MIPOL1: variants seen among roughly 807,000 people sequenced by gnomAD.
MIPOL1 encodes the protein mirror-image polydactyly 1, also known as mirror-image polydactyly gene 1 protein.
A neutral mutation model predicts 60.9 loss-of-function variants in MIPOL1; 57 were observed. The ratio of observed to expected loss-of-function variants is 0.94; its 90% CI spans 0.76 to 1.17. The LOEUF (loss-of-function observed/expected upper bound fraction) is 1.17, where lower values mean the gene tolerates loss of function less well. MIPOL1 is among the 50% of genes most tolerant of loss of function. MIPOL1 has a pLI of 0.00. For synonymous variants in MIPOL1, 179 were observed against 168.8 expected (o/e 1.06, Z -0.47); for missense variants, 551 against 511.6 (o/e 1.08, Z -0.74).
At chr14:37,221,092 T>A (rs1380686585) in intron 1 of MIPOL1, among the ~76,000 whole-genome samples, 1 of 152,196 alleles carries the variant, frequency 6.6e-6, no homozygotes, top group Admixed American at 6.5e-5. Flanking sequence ...TCATGATTAC[T>A]AACAGGTTGG....
At chr14:37,251,945 G>T (rs2153364742) in intron 3 of MIPOL1, among the ~76,000 whole-genome samples, 1 of 151,892 alleles carries the variant, frequency 6.6e-6, no homozygotes, top group South Asian at 2.1e-4. Flanking sequence ...TTTAAATTTA[G>T]AACCTTTAGG....
At chr14:37,210,022 C>A (rs1021396815) in intron 1 of MIPOL1, among the ~76,000 whole-genome samples, 4 of 152,010 alleles carry the variant, frequency 2.6e-5, no homozygotes, top group Non-Finnish European at 4.4e-5. Flanking sequence ...TGGATATGCT[C>A]TATTATTTTG....
intron 7 of MIPOL1, among the ~76,000 whole-genome samples, chr14:37,292,932 C>G (rs1252167128): frequency 7.2e-5 from 11 of 152,120 alleles, no homozygotes; most frequent in African/African-American, 2.7e-4. Flanking sequence ...GCTCCTTTTG[C>G]TAGAGGTTCT....
intron 9 of MIPOL1, among the ~76,000 whole-genome samples, chr14:37,362,990 A>G (rs1232896409): frequency 6.6e-6 from 1 of 152,070 alleles, no homozygotes; most frequent in Non-Finnish European, 1.5e-5. Context: ...TACACTGTTT[A>G]TTCTAGTTAG....
chr14:37,503,741 A>G (rs887190974), intron 12 of MIPOL1: 1 of 152,232 alleles, frequency 6.6e-6, no homozygotes. Flanking sequence ...GACAGGTTCA[A>G]ATTCACTCAT....
intron 10 of MIPOL1, among the ~76,000 whole-genome samples, chr14:37,393,893 T>A (rs962425622): frequency 6.6e-6 from 1 of 150,720 alleles, no homozygotes; most frequent in African/African-American, 2.4e-5. Flanking sequence ...GTATCATTCT[T>A]ATGCCTTTGT....
intron 9 of MIPOL1, among the ~76,000 whole-genome samples, chr14:37,320,367 G>C (rs1042388765): frequency 6.6e-6 from 1 of 152,008 alleles, no homozygotes. Flanking sequence ...ATATTTCATT[G>C]TTGATTTATT....
chr14:37,516,786 G>A (rs1486770018), intron 12 of MIPOL1, among the ~76,000 whole-genome samples: 1 of 152,002 alleles, frequency 6.6e-6, no homozygotes, highest in Non-Finnish European at 1.5e-5. Context: ...GAAATATGCT[G>A]TATTTTTTTA....
intron 1 of MIPOL1, among the ~76,000 whole-genome samples, chr14:37,220,134 A>T (rs1968499499): frequency 6.6e-6 from 1 of 152,104 alleles, no homozygotes; most frequent in Admixed American, 6.6e-5. Flanking sequence ...AGATCCTTTA[A>T]TTTTATTTTA....
chr14:37,510,865 A>G (rs890922109), intron 12 of MIPOL1, among the ~76,000 whole-genome samples: 1 of 152,118 alleles, frequency 6.6e-6, no homozygotes. Flanking sequence ...ATAGAAAAGC[A>G]TGACTTCTAT....
At chr14:37,448,419 C>T (rs2094369720) in intron 11 of MIPOL1, among the ~76,000 whole-genome samples, 1 of 152,216 alleles carries the variant, frequency 6.6e-6, no homozygotes, top group Non-Finnish European at 1.5e-5. Flanking sequence ...CCCACAGTAT[C>T]ACTAGCAGGA....
intron 11 of MIPOL1, among the ~76,000 whole-genome samples, chr14:37,448,437 T>A (rs941704845): frequency 2.0e-5 from 3 of 152,228 alleles, no homozygotes; most frequent in African/African-American, 7.2e-5. Flanking sequence ...GGAAATCCTG[T>A]TTGTTTTCAT....
At chr14:37,276,252 G>A (rs2083650307) in intron 6 of MIPOL1, 1 of 150,588 alleles carries the variant, frequency 6.6e-6, no homozygotes, top group African/African-American at 2.4e-5. Flanking sequence ...TGCAAATTTA[G>A]ACTGATATTT....
At chr14:37,538,910 A>T (rs2095518165) in intron 12 of MIPOL1, among the ~76,000 whole-genome samples, 1 of 152,208 alleles carries the variant, frequency 6.6e-6, no homozygotes, top group Non-Finnish European at 1.5e-5. Context: ...GGCAAGGCTT[A>T]TAGAACTGCC....
chr14:37,259,881 C>T (rs1013704051), intron 3 of MIPOL1, among the ~76,000 whole-genome samples: 13 of 151,972 alleles, frequency 8.6e-5, no homozygotes, highest in African/African-American at 2.2e-4. Flanking sequence ...AACATATCAC[C>T]GGGACTACCT....
intron 1 of MIPOL1, among the ~76,000 whole-genome samples, chr14:37,211,213 C>A (rs1594472833): frequency 7.4e-6 from 1 of 136,008 alleles, no homozygotes; most frequent in Admixed American, 8.5e-5. Flanking sequence ...ACAAGGACAC[C>A]AAGTTAACTA....
At chr14:37,212,718 G>A (rs1461106901) in intron 1 of MIPOL1, among the ~76,000 whole-genome samples, 1 of 152,164 alleles carries the variant, frequency 6.6e-6, no homozygotes, top group African/African-American at 2.4e-5. Flanking sequence ...GGTCTTGAGC[G>A]AACGTAGGCT....
chr14:37,398,913 G>T (rs1428342161), intron 10 of MIPOL1, among the ~76,000 whole-genome samples: 1 of 152,038 alleles, frequency 6.6e-6, no homozygotes, highest in East Asian at 1.9e-4. Context: ...GATTTCTTGG[G>T]TTTTATTTAA....
intron 7 of MIPOL1, among the ~76,000 whole-genome samples, chr14:37,295,661 T>G (rs574141943): frequency 6.6e-6 from 1 of 151,956 alleles, no homozygotes; most frequent in African/African-American, 2.4e-5. Context: ...ATCCTAGTCT[T>G]TGATAAAACA....
Sources: gnomAD v4.1 joint callset for allele counts (sites outside exome capture counted in the v4.1 genomes callset) on GRCh38, gnomAD v4.1.1 for gene constraint, MANE v1.5 for transcripts, NCBI Gene and HGNC (gene_info 2026-07-23, HGNC 2026-07-21) for gene names.